Variants in SCML4 observed in about 807,000 individuals in gnomAD.
SCML4 encodes Scm polycomb group protein like 4.
SCML4 carries 34 observed loss-of-function variants against 41.1 expected under a neutral mutation model. That is an observed-to-expected ratio of 0.83 (90% CI 0.63 to 1.10). The LOEUF (loss-of-function observed/expected upper bound fraction) is 1.10, where lower values mean the gene tolerates loss of function less well. Ranked by LOEUF, SCML4 falls within the 50% of genes least tolerant of loss-of-function variation. The probability of loss-of-function intolerance (pLI) is 0.00; values close to 1 mark genes in which losing one functional copy is unlikely to be tolerated. For missense variants in SCML4, 522 were observed against 534.1 expected (o/e 0.98, Z 0.22); for synonymous variants, 214 against 220.9 (o/e 0.97, Z 0.28).
At chr6:107,838,936 T>A in the SCML4 span, among the ~76,000 whole-genome samples, 2 of 143,344 alleles carry the variant, frequency 1.4e-5, no homozygotes, top group African/African-American at 2.5e-5. Context: ...TCTTCCAAAG[T>A]AGAAAGTTAA....
chr6:107,813,405 TATATATATATATATATATAA>T (rs200554080), intron 1 of SCML4, among the ~76,000 whole-genome samples: 21,833 of 67,736 alleles, frequency 0.32, 4,131 homozygotes, highest in Middle Eastern at 0.42. Context: ...TATATATATA[TATATATATATATATATATAA>T]AACTGTAAAA....
intron 1 of SCML4, among the ~76,000 whole-genome samples, chr6:107,778,032 C>T (rs1278727019): frequency 6.6e-6 from 1 of 150,574 alleles, no homozygotes; most frequent in East Asian, 1.9e-4. Flanking sequence ...CTGGCCAACA[C>T]GGTGAAACTC....
chr6:107,709,631 C>T (rs1774043161), intron 6 of SCML4, among the ~76,000 whole-genome samples: 1 of 152,252 alleles, frequency 6.6e-6, no homozygotes, highest in Non-Finnish European at 1.5e-5. Context: ...CATGTTCCAC[C>T]TGATGCCTTC....
intron 1 of SCML4, among the ~76,000 whole-genome samples, chr6:107,796,225 T>C (rs192614923): frequency 3.5e-4 from 54 of 152,290 alleles, no homozygotes; most frequent in Admixed American, 6.5e-4. Flanking sequence ...GGGTAGGTTA[T>C]GTTTAACTTT....
chr6:107,772,441 T>C, intron 1 of SCML4, 55 bp from the exon 2 acceptor site: 1 of 1,061,424 alleles, frequency 9.4e-7, no homozygotes. Flanking sequence ...TTGTTTGGTT[T>C]GCAAGGCAAA....
chr6:107,818,854 G>GGCCTGGTGAGAGGGGCAAGTTC (rs1481708144), intron 1 of SCML4, among the ~76,000 whole-genome samples: 1 of 152,226 alleles, frequency 6.6e-6, no homozygotes, highest in African/African-American at 2.4e-5. Flanking sequence ...CTTAGACATG[G>GGCCTGGTGAGAGGGGCAAGTTC]CAGCTCCAAG....
chr6:107,829,829 A>G, the SCML4 span, among the ~76,000 whole-genome samples: 1 of 152,272 alleles, frequency 6.6e-6, no homozygotes, highest in South Asian at 2.1e-4. Flanking sequence ...TTGATTAGTA[A>G]CAGAATTTTT....
chr6:107,828,184 C>A (rs531136992), upstream of SCML4, among the ~76,000 whole-genome samples: 1 of 152,302 alleles, frequency 6.6e-6, no homozygotes, highest in South Asian at 2.1e-4. Flanking sequence ...CAGGTCTGAC[C>A]CAGGCAGTCT....
chr6:107,803,684 T>G (rs1479331158), intron 1 of SCML4, among the ~76,000 whole-genome samples: 3 of 148,160 alleles, frequency 2.0e-5, no homozygotes, highest in Non-Finnish European at 4.5e-5. Context: ...CATGGGAGAC[T>G]TTTCATTTTG....
intron 1 of SCML4, among the ~76,000 whole-genome samples, chr6:107,785,058 T>C (rs936526731): frequency 6.6e-6 from 1 of 152,248 alleles, no homozygotes; most frequent in African/African-American, 2.4e-5. Context: ...GGCCCCATAC[T>C]GTACAGGTTC....
intron 5 of SCML4, among the ~76,000 whole-genome samples, chr6:107,731,567 C>T (rs1188026898): frequency 6.6e-6 from 1 of 152,164 alleles, no homozygotes; most frequent in Non-Finnish European, 1.5e-5. Flanking sequence ...GCACGACCAC[C>T]TTCCTCCAGA....
intron 2 of SCML4, among the ~76,000 whole-genome samples, chr6:107,765,499 T>C (rs780718860): frequency 2.0e-5 from 3 of 152,098 alleles, no homozygotes; most frequent in Non-Finnish European, 4.4e-5. Context: ...AGTGAGACTC[T>C]GTGTCAAAAA....
intron 3 of SCML4, 121 bp from the exon 4 acceptor site, chr6:107,747,010 G>A (rs1323678238): frequency 1.3e-6 from 1 of 771,808 alleles, no homozygotes. Context: ...GGGAAAGCTG[G>A]CAAGGGCAAA....
chr6:107,788,919 C>G (rs1025106635), intron 1 of SCML4, among the ~76,000 whole-genome samples: 7 of 152,182 alleles, frequency 4.6e-5, no homozygotes, highest in Non-Finnish European at 8.8e-5. Flanking sequence ...AAACTCTCCC[C>G]CAGTGTGTGT....
the SCML4 span, among the ~76,000 whole-genome samples, chr6:107,830,701 C>G: frequency 6.6e-6 from 1 of 152,116 alleles, no homozygotes. Flanking sequence ...TTCCTTTCTC[C>G]CACAGAAGTG....
intron 5 of SCML4, among the ~76,000 whole-genome samples, chr6:107,723,345 C>T (rs61506896): frequency 0.048 from 7,293 of 152,198 alleles, 593 homozygotes; most frequent in African/African-American, 0.17. Context: ...TCATCTAACA[C>T]AAAGCCAATT....
At chr6:107,736,965 C>T (rs1423472244) in intron 5 of SCML4, among the ~76,000 whole-genome samples, 1 of 152,238 alleles carries the variant, frequency 6.6e-6, no homozygotes, top group Non-Finnish European at 1.5e-5. Context: ...TTATGCTAAA[C>T]CTTCAAAAGG....
chr6:107,742,831 A>G (rs909971417), intron 5 of SCML4, among the ~76,000 whole-genome samples: 8 of 151,306 alleles, frequency 5.3e-5, no homozygotes, highest in African/African-American at 1.9e-4. Flanking sequence ...AAAAAAAAAC[A>G]CTGCGGGTAC....
intron 1 of SCML4, among the ~76,000 whole-genome samples, chr6:107,772,885 G>C (rs559782873): frequency 6.6e-5 from 10 of 152,152 alleles, no homozygotes; most frequent in Non-Finnish European, 1.3e-4. Context: ...TTGTATGAAA[G>C]TTGATGATGT....
Sources: gnomAD v4.1 joint callset for allele counts (sites outside exome capture counted in the v4.1 genomes callset) on GRCh38, gnomAD v4.1.1 for gene constraint, MANE v1.5 for transcripts, NCBI Gene and HGNC (gene_info 2026-07-23, HGNC 2026-07-21) for gene names.